The following JADE1 variants were observed in gnomAD, a reference collection of about 807,000 sequenced individuals.
The protein encoded by JADE1 is jade family PHD finger 1.
Under a neutral mutation model 81.8 loss-of-function variants are expected in JADE1, and 14 were observed. That is an observed-to-expected ratio of 0.17 (90% CI 0.11 to 0.27). JADE1 has a LOEUF of 0.27. JADE1 is among the 10% of genes least tolerant of loss of function. JADE1 has a pLI of 1.00. For synonymous variants in JADE1, 353 were observed against 391.9 expected, an observed-to-expected ratio of 0.90 and a Z score of 1.17; for missense variants, 690 against 1,047.9, an observed-to-expected ratio of 0.66 and a Z score of 4.71.
At chr4:128,847,970 G>A (rs950973743) in intron 4 of JADE1, among the ~76,000 whole-genome samples, 2 of 152,142 alleles carry the variant, frequency 1.3e-5, no homozygotes, top group African/African-American at 4.8e-5. Flanking sequence ...GGAGTGATTT[G>A]CTCTTGCACA....
At position 128,852,202 on chromosome 4, in the gene JADE1, G is replaced by A. The variant is rs377221608; in HGVS notation, c.630G>A (p.Gln210=). The A allele has an allele frequency of 3.1e-6, 5 of 1,614,036 alleles. No homozygotes were observed. In the African/African-American group the frequency reaches 5.3e-5, roughly 17 times the overall value. ...AAGATGTTGTCTGTGATGTCTGCCAGTCTCCTGATGGTGAGGACGGCAATG... is the reference window on the plus strand; with the variant it reads ...AAGATGTTGTCTGTGATGTCTGCCAATCTCCTGATGGTGAGGACGGCAATG... ...YDEDVVCDVC[Q]SPDGEDGNEM... is the part of the protein sequence containing the mutation. The change falls in exon 6 of 11, where the codon CAG becomes CAA. Residue 210 remains glutamine (Q), a synonymous_variant. Coordinates refer to ENST00000226319, the MANE Select transcript of JADE1 (RefSeq NM_199320.4).
chr4:128,832,644 A>T (rs1274396208), intron 2 of JADE1, among the ~76,000 whole-genome samples: 1 of 152,218 alleles, frequency 6.6e-6, no homozygotes, highest in Non-Finnish European at 1.5e-5. Flanking sequence ...AGTAATAGAG[A>T]TGTCTTTTTG....
intron 1 of JADE1, among the ~76,000 whole-genome samples, chr4:128,810,959 G>T (rs558275927): frequency 6.6e-6 from 1 of 152,174 alleles, no homozygotes; most frequent in East Asian, 1.9e-4. Context: ...AATTGTGGGG[G>T]TGGGGTCTCT....
At chr4:128,820,891 T>A (rs1467572323) in intron 1 of JADE1, among the ~76,000 whole-genome samples, 1 of 152,194 alleles carries the variant, frequency 6.6e-6, no homozygotes, top group Non-Finnish European at 1.5e-5. Context: ...TATAAGAACA[T>A]CTGGTTTGAG....
chr4:128,831,118 G>A (rs1001425936), intron 1 of JADE1, among the ~76,000 whole-genome samples: 1 of 152,200 alleles, frequency 6.6e-6, no homozygotes, highest in African/African-American at 2.4e-5. Context: ...TAATGTGAAA[G>A]GGAGGGGTCT....
At chr4:128,842,204 C>G (rs1378588934) in intron 2 of JADE1, among the ~76,000 whole-genome samples, 4 of 152,158 alleles carry the variant, frequency 2.6e-5, no homozygotes, top group Non-Finnish European at 5.9e-5. Context: ...CTAGGGATTG[C>G]TAAGTTTTTA....
intron 9 of JADE1, chr4:128,862,617 T>C: frequency 2.9e-6 from 3 of 1,026,078 alleles, no homozygotes; most frequent in Non-Finnish European, 3.5e-6. Flanking sequence ...CCAGAACGGA[T>C]TTCATTTCTA....
chr4:128,827,819 A>G lies in JADE1; in HGVS notation c.-26-3914A>G, dbSNP rs531303641. 440 of 947,998 alleles carry G rather than the reference A, an allele frequency of 4.6e-4. 1 individual carries two copies. Among genetic ancestry groups the G allele is most frequent in the Non-Finnish European group, 4.5e-4 (357 of 795,816 alleles). 58.7% of individuals were successfully genotyped at this position (947,998 alleles called of 1,614,324 possible). On this transcript the variant is annotated intron_variant, in intron 1 of 10. Coordinates refer to ENST00000226319, the MANE Select transcript of JADE1 (RefSeq NM_199320.4). ...ACTTCAGAGAGTCATAACATTATGA[A>G]TCAGTAAACCTTGGCAATTGGCTAT...
At chr4:128,814,617 A>AGTGCAATGG (rs199685933) in intron 1 of JADE1, among the ~76,000 whole-genome samples, 3,966 of 144,056 alleles carry the variant, frequency 0.028, 89 homozygotes, top group Middle Eastern at 0.052. Flanking sequence ...CCCAGGCTGG[A>AGTGCAATGG]GTGCAATGGT....
rs113858359 is a variant in JADE1 at position 128,872,039 on chromosome 4, C to T, written c.2306C>T (p.Ala769Val). Residue 769 changes from alanine to valine, a missense_variant, in exon 11 of 11, where the codon GCC becomes GTC. Transcript: ENST00000226319. ...CAGCAGGGAGAGGCCCACGATGGGG[C>T]CTGCCACCAGCACTCAGACTACCCA... ...RQQQGEAHDG[A>V]CHQHSDYPYL... 108 of 1,613,950 alleles carry T rather than the reference C, an allele frequency of 6.7e-5. No individual in the cohort carries two copies. The African/African-American group carries it at 9.7e-4, about 15-fold the overall frequency.
chr4:128,846,245 A>C lies in JADE1; in HGVS notation c.139-130A>C. On this transcript the variant is annotated intron_variant, in intron 3 of 10. Transcript: ENST00000226319. The surrounding 1 kb of genome is among the most constrained non-coding windows in gnomAD (Gnocchi z 4.0). ...GTGTCAGGCAAAGTTTTTCTGTAAT[A>C]GGTCAGGCTTGTTCTATGTTGATAC... 1 of 897,756 alleles carries C rather than the reference A, an allele frequency of 1.1e-6. No homozygotes were observed. The allele number at this position is 897,756 out of a possible 1,614,324, so 55.6% of individuals were successfully genotyped here.
chr4:128,815,045 A>G (rs1726873968), intron 1 of JADE1, among the ~76,000 whole-genome samples: 1 of 150,206 alleles, frequency 6.7e-6, no homozygotes, highest in African/African-American at 2.5e-5. Flanking sequence ...TTTAATCTTA[A>G]GTAACTTTTT....
chr4:128,842,958 T>C lies in JADE1; in HGVS notation c.58T>C (p.Ser20Pro). The part of the protein sequence containing the change: ...SEDSDDNGSL[S>P]TTWSQNSRSQ... ...TTGGATATTTGTTTCTTTAGGCCTGTCAACTACTTGGTCCCAGAATTCCCG... is the reference window on the plus strand; with the variant it reads ...TTGGATATTTGTTTCTTTAGGCCTGCCAACTACTTGGTCCCAGAATTCCCG... Residue 20 changes from serine (S) to proline (P), a missense_variant, in exon 3 of 11, where the codon TCA becomes CCA. Physicochemically the swap from Ser to Pro is moderately conservative, Grantham distance 74. Coordinates refer to ENST00000226319, the MANE Select transcript of JADE1 (RefSeq NM_199320.4). 6.2e-7 allele frequency: 1 copy of C among 1,613,632 alleles called. No individual in the cohort carries two copies.
chr4:128,846,194 C>T lies in JADE1; in HGVS notation c.139-181C>T, dbSNP rs183620724. The stretch of plus-strand genomic sequence containing the variant: ...GCAGTGTTCCCTCAGCACTGCCACC[C>T]CCCATGCCTGAGTGAGGTAAAAGGC... On this transcript the variant is annotated intron_variant, in intron 3 of 10. Coordinates refer to ENST00000226319, the MANE Select transcript of JADE1 (RefSeq NM_199320.4). The surrounding 1 kb of genome is among the most constrained non-coding windows in gnomAD (Gnocchi z 4.0). 7.9e-5 allele frequency among the ~76,000 whole-genome samples: 12 copies of T among 152,268 alleles called. No homozygotes were observed. In the East Asian group the frequency reaches 2.1e-3, roughly 27 times the overall value.
chr4:128,868,377 T>C (rs1373314849), intron 10 of JADE1, among the ~76,000 whole-genome samples: 1 of 152,222 alleles, frequency 6.6e-6, no homozygotes, highest in African/African-American at 2.4e-5. Context: ...TTGGGCTCTA[T>C]CTGTAACATG....
In JADE1 at chr4:128,829,060, A is replaced by C. The variant is rs76777484; in HGVS notation, c.-26-2673A>C. Among the ~76,000 whole-genome samples the C allele has an allele frequency of 9.2e-3, 1,405 of 152,122 alleles. 22 individuals are homozygous for C. The highest frequency in any genetic ancestry group is 0.031 in the African/African-American group (1,275 of 41,498). On this transcript the variant is annotated intron_variant, in intron 1 of 10. Transcript: ENST00000226319. ...CCCTTTTACCTCTTGCTGGATCCTGAGGGGACCCAGAGGTGCATTCTCTAG... is the reference window on the plus strand; with the variant it reads ...CCCTTTTACCTCTTGCTGGATCCTGCGGGGACCCAGAGGTGCATTCTCTAG...
chr4:128,830,804 T>G (rs554162298), intron 1 of JADE1, among the ~76,000 whole-genome samples: 2 of 152,364 alleles, frequency 1.3e-5, no homozygotes, highest in African/African-American at 4.8e-5. Flanking sequence ...CGAGACCATC[T>G]GTATAAGTTC....
chr4:128,872,129 A>G lies in JADE1; in HGVS notation c.2396A>G (p.Glu799Gly). 1.9e-6 allele frequency: 3 copies of G among 1,614,196 alleles called. No individual in the cohort carries two copies. The highest frequency in any genetic ancestry group is 2.5e-6 in the Non-Finnish European group (3 of 1,180,030). The change falls in exon 11 of 11, where the codon GAG becomes GGG. Residue 799 changes from glutamate (E) to glycine (G), a missense_variant. This residue lies in a region of JADE1 where 218 missense variants were observed against 274.3 expected (regional missense o/e 0.79). Coordinates refer to ENST00000226319, the MANE Select transcript of JADE1 (RefSeq NM_199320.4). ...AAAAGCAAATTAAAATCCGACAATG[A>G]GAATGACGGGTATGTCCCCGATGTG... ...RAKSKLKSDN[E>G]NDGYVPDVEM... is the part of the protein sequence containing the mutation.
chr4:128,839,002 G>A (rs1444910519), intron 2 of JADE1, among the ~76,000 whole-genome samples: 1 of 152,116 alleles, frequency 6.6e-6, no homozygotes, highest in Admixed American at 6.5e-5. Context: ...GGTGAAACAG[G>A]AGTAAATTCT....
Sources: allele counts gnomAD v4.1 joint callset (sites outside exome capture counted in the v4.1 genomes callset), GRCh38; gene constraint gnomAD v4.1.1; regional missense constraint gnomAD v4.1.1; non-coding constraint Gnocchi (gnomAD v3.1); transcripts MANE v1.5; gene names NCBI Gene and HGNC (gene_info 2026-07-23, HGNC 2026-07-21).